SCIN: variants seen among roughly 807,000 people sequenced by gnomAD.
The protein encoded by SCIN is adseverin.
In SCIN, 91 loss-of-function variants were observed where a neutral mutation model predicts 91.8. The observed-to-expected ratio is 0.99, with a 90% confidence interval of 0.84 to 1.18. SCIN has a LOEUF of 1.18. SCIN is among the 50% of genes most tolerant of loss of function. SCIN has a pLI of 0.00. For synonymous variants in SCIN, 367 were observed against 312.6 expected (o/e 1.17, Z -1.84); for missense variants, 1,087 against 863.9 (o/e 1.26, Z -3.24).
At chr7:12,623,914 A>G (rs1783460972) in intron 5 of SCIN, among the ~76,000 whole-genome samples, 2 of 152,198 alleles carry the variant, frequency 1.3e-5, no homozygotes, top group South Asian at 4.1e-4. Context: ...TGTTAGCTAA[A>G]TATTTTGTGA....
At chr7:12,573,824 C>T (rs1782316513) in intron 1 of SCIN, among the ~76,000 whole-genome samples, 1 of 152,226 alleles carries the variant, frequency 6.6e-6, no homozygotes, top group South Asian at 2.1e-4. Flanking sequence ...TATAAGTGGG[C>T]TATACCAGGC....
intron 10 of SCIN, among the ~76,000 whole-genome samples, chr7:12,639,978 C>T (rs1260662355): frequency 1.3e-5 from 2 of 152,152 alleles, no homozygotes; most frequent in African/African-American, 4.8e-5. Context: ...GTTACTGGTG[C>T]CCTTGAAAGA....
chr7:12,655,425 A>G lies in SCIN; in HGVS notation c.*2710A>G, dbSNP rs945890798. 8.5e-5 allele frequency: 13 copies of G among 152,314 alleles called. No homozygotes were observed. The highest frequency in any genetic ancestry group is 3.1e-4 in the African/African-American group (13 of 41,586). The allele number at this position is 152,314 out of a possible 1,614,324, so 9.4% of individuals were successfully genotyped here. ...GAAACTCTTACAAATCAATGAGTCA[A>G]CAACCCAATGGAAAAATGGCCAAAA... On this transcript the variant is annotated 3_prime_UTR_variant, in exon 16 of 16. Transcript: ENST00000297029.
chr7:12,604,456 T>C, intron 3 of SCIN, 58 bp from the exon 4 acceptor site: 1 of 1,467,062 alleles, frequency 6.8e-7, no homozygotes, highest in Non-Finnish European at 9.3e-7. Context: ...AGTATTACAC[T>C]GAGGCTGAAT....
In SCIN at chr7:12,656,175, T is replaced by G. The variant is rs1784159440; in HGVS notation, c.*3460T>G. On this transcript the variant is annotated 3_prime_UTR_variant, in exon 16 of 16. Coordinates refer to ENST00000297029, the MANE Select transcript of SCIN (RefSeq NM_001112706.3). The stretch of plus-strand genomic sequence containing the variant: ...TTTTGAACAATGTTTTGGCCTCCAG[T>G]AATGATTAGGAACACACTATAAACA... The G allele has an allele frequency of 6.6e-6, 1 of 152,194 alleles. No individual in the cohort carries two copies. The highest frequency in any genetic ancestry group is 6.5e-5 in the Admixed American group (1 of 15,280). The allele number at this position is 152,194 out of a possible 1,614,324, so 9.4% of individuals were successfully genotyped here. A position where few individuals can be genotyped will look rare whatever the true frequency, so the allele number is the denominator to read the frequency against.
rs780193389 is a variant in SCIN at position 12,659,888 on chromosome 7, A to T, written c.*7173A>T. On this transcript the variant is annotated 3_prime_UTR_variant, in exon 16 of 16. Coordinates refer to ENST00000297029, the MANE Select transcript of SCIN (RefSeq NM_001112706.3). ...AATTGAAGATCTACAAAAGAAGTGA[A>T]AATTACCTTAACTGATGACATTCCA... 1 of 160,256 alleles carries T rather than the reference A, an allele frequency of 6.2e-6. No individual in the cohort carries two copies. The highest frequency in any genetic ancestry group is 1.4e-5 in the Non-Finnish European group (1 of 73,266). The allele number at this position is 160,256 out of a possible 1,614,324, so 9.9% of individuals were successfully genotyped here.
intron 5 of SCIN, among the ~76,000 whole-genome samples, chr7:12,623,521 T>TA (rs1783452393): frequency 6.6e-6 from 1 of 152,184 alleles, no homozygotes; most frequent in African/African-American, 2.4e-5. Context: ...TAGTTTTTTT[T>TA]ATTCTTTGTT....
rs191111149 is a variant in SCIN, at chr7:12,601,719, C to T, written c.517-2795C>T. Among the ~76,000 whole-genome samples, 269 of 152,302 alleles carry T rather than the reference C, an allele frequency of 1.8e-3. 1 individual carries two copies. Among genetic ancestry groups the T allele is most frequent in the African/African-American group, 5.8e-3 (240 of 41,558 alleles). ...AAGGCTTTCTTTCTGCATATGCATG[C>T]CCTCTGAATCTCTTAAAACTGTTTA... On this transcript the variant is annotated intron_variant, in intron 3 of 15. Transcript: ENST00000297029.
intron 3 of SCIN, among the ~76,000 whole-genome samples, chr7:12,590,428 G>T (rs1047450488): frequency 3.9e-5 from 6 of 151,940 alleles, no homozygotes; most frequent in Non-Finnish European, 8.8e-5. Context: ...TGAATAGATG[G>T]GGGGAGGAGA....
chr7:12,588,117 C>A (rs747414992), intron 3 of SCIN, among the ~76,000 whole-genome samples: 3 of 152,166 alleles, frequency 2.0e-5, no homozygotes, highest in Non-Finnish European at 4.4e-5. Context: ...TTTGTCCTTA[C>A]CCCCAAAGTA....
At chr7:12,635,899 A>T (rs1036705788) in intron 9 of SCIN, 146 bp from the exon 10 acceptor site, 6 of 640,446 alleles carry the variant, frequency 9.4e-6, no homozygotes, top group African/African-American at 9.1e-5. Context: ...ACCTTGACAA[A>T]AACAATAGCT....
At chr7:12,593,807 A>C (rs1246075514) in intron 3 of SCIN, among the ~76,000 whole-genome samples, 3 of 152,148 alleles carry the variant, frequency 2.0e-5, no homozygotes, top group African/African-American at 7.2e-5. Context: ...AGCAGCTCCT[A>C]CGGGCTTAGT....
At chr7:12,643,641 A>G (rs1024099373) in intron 11 of SCIN, among the ~76,000 whole-genome samples, 1 of 152,078 alleles carries the variant, frequency 6.6e-6, no homozygotes, top group East Asian at 1.9e-4. Flanking sequence ...TCTCCACATC[A>G]TGGCTGCCTT....
At chr7:12,606,586 A>G (rs1016956676) in intron 4 of SCIN, among the ~76,000 whole-genome samples, 3 of 152,214 alleles carry the variant, frequency 2.0e-5, no homozygotes, top group Admixed American at 6.5e-5. Context: ...GTATAATACT[A>G]GGAGAAAAGA....
chr7:12,648,395 C>G (rs970152525), intron 13 of SCIN, among the ~76,000 whole-genome samples: 1 of 150,326 alleles, frequency 6.7e-6, no homozygotes, highest in African/African-American at 2.4e-5. Context: ...CTCCCAGGTT[C>G]AAGCAATTCT....
chr7:12,581,554 G>A (rs893807430), intron 3 of SCIN, among the ~76,000 whole-genome samples: 11 of 152,018 alleles, frequency 7.2e-5, no homozygotes, highest in African/African-American at 2.7e-4. Context: ...AGCTTGAGGG[G>A]GAAACTGGTT....
At chr7:12,595,610 G>A (rs773618572) in intron 3 of SCIN, 1 of 152,208 alleles carries the variant, frequency 6.6e-6, no homozygotes, top group African/African-American at 2.4e-5. Context: ...CAGGCACTAG[G>A]AAAGACAACT....
Position 12,652,950 on chromosome 7 carries a change from A to G in SCIN, c.*235A>G. ...AAACCTCGCCTCTACTAAAAATACAAAAAAATTAGCTGCGCGTGGTGGTGC... is the reference window on the plus strand; with the variant it reads ...AAACCTCGCCTCTACTAAAAATACAGAAAAATTAGCTGCGCGTGGTGGTGC... On this transcript the variant is annotated 3_prime_UTR_variant, in exon 16 of 16. Transcript: ENST00000297029. 1 of 394,578 alleles carries G rather than the reference A, an allele frequency of 2.5e-6. No individual in the cohort carries two copies. The highest frequency in any genetic ancestry group is 4.5e-6 in the Non-Finnish European group (1 of 221,652). The allele number at this position is 394,578 out of a possible 1,614,324, so 24.4% of individuals were successfully genotyped here. A position where few individuals can be genotyped will look rare whatever the true frequency, so the allele number is the denominator to read the frequency against.
intron 2 of SCIN, among the ~76,000 whole-genome samples, chr7:12,578,909 G>GTTTTTTTTTTTTTTTTTGTTTTTTTTT: frequency 1.2e-5 from 1 of 85,898 alleles, no homozygotes; most frequent in African/African-American, 5.2e-5. Flanking sequence ...TATAGGACAG[G>GTTTTTTTTTTTTTTTTTGTTTTTTTTT]TTTTTTTTTT....
Sources: gnomAD v4.1 joint callset for allele counts (sites outside exome capture counted in the v4.1 genomes callset) on GRCh38, gnomAD v4.1.1 for gene constraint, MANE v1.5 for transcripts, NCBI Gene and HGNC (gene_info 2026-07-23, HGNC 2026-07-21) for gene names.